FAR2: variants seen among roughly 807,000 people sequenced by gnomAD.
FAR2 encodes epididymis secretory protein Li 81.
In FAR2, 19 loss-of-function variants were observed where a neutral mutation model predicts 56.0. That is an observed-to-expected ratio of 0.34 (90% CI 0.24 to 0.50). The LOEUF is 0.50. Among genes scored for constraint, FAR2 ranks in the 20% least tolerant of loss-of-function variants. The pLI is 0.98. For synonymous variants in FAR2, 219 were observed against 218.8 expected (o/e 1.00, Z -0.01); for missense variants, 508 against 642.2 (o/e 0.79, Z 2.26).
intron 2 of FAR2, among the ~76,000 whole-genome samples, chr12:29,280,018 G>T (rs536598671): frequency 6.6e-6 from 1 of 151,040 alleles, no homozygotes; most frequent in Non-Finnish European, 1.5e-5. Context: ...TCCACCACCC[G>T]GGTTCAAGTG....
intron 1 of FAR2, among the ~76,000 whole-genome samples, chr12:29,205,995 T>A (rs1471147707): frequency 2.0e-5 from 3 of 152,222 alleles, no homozygotes; most frequent in Non-Finnish European, 4.4e-5. Context: ...AGTAGAAGCA[T>A]AATAAAGATG....
rs190195431 is a variant in FAR2 at position 29,333,825 on chromosome 12, C to T, written c.*31C>T. On this transcript the variant is annotated 3_prime_UTR_variant, in exon 12 of 12. Coordinates refer to ENST00000536681, the MANE Select transcript of FAR2 (RefSeq NM_001271783.2). Reference sequence around the variant, plus strand: ...TTTAGCCATCGCTTTTTATCTGGAACCTCTCAGATACCTCTAAAACAGCAA... The same window carrying T: ...TTTAGCCATCGCTTTTTATCTGGAATCTCTCAGATACCTCTAAAACAGCAA... The T allele has an allele frequency of 6.3e-7, 1 of 1,599,204 alleles. No homozygotes were observed. The highest frequency in any genetic ancestry group is 2.2e-5 in the East Asian group (1 of 44,760).
rs1388683580 is a variant in FAR2 at position 29,218,521 on chromosome 12, TCAAA to T, written c.-38-51888_-38-51885del. Among the ~76,000 whole-genome samples the T allele has an allele frequency of 2.6e-5, 4 of 151,314 alleles. No homozygotes were observed. In the East Asian group the frequency reaches 7.8e-4, roughly 29 times the overall value. ...GGAATGAAAAAGCACATGGACAATC[TCAAA>T]CAGTCAAATATATGTGTAACTGAAG... On this transcript the variant is annotated intron_variant, in intron 1 of 11. Coordinates refer to ENST00000536681, the MANE Select transcript of FAR2 (RefSeq NM_001271783.2).
At chr12:29,238,318 A>G (rs540677011) in intron 1 of FAR2, among the ~76,000 whole-genome samples, 1 of 152,286 alleles carries the variant, frequency 6.6e-6, no homozygotes, top group South Asian at 2.1e-4. Context: ...AATTATTTTA[A>G]CACTAAGATA....
At chr12:29,171,236 C>T (rs978868241) in intron 1 of FAR2, 6 of 152,880 alleles carry the variant, frequency 3.9e-5, no homozygotes, top group African/African-American at 7.2e-5. Context: ...ACCCTCAGTC[C>T]TGTTGTTGGA....
chr12:29,200,494 T>G (rs1947394045), intron 1 of FAR2, among the ~76,000 whole-genome samples: 1 of 152,208 alleles, frequency 6.6e-6, no homozygotes, highest in Admixed American at 6.5e-5. Context: ...TGGGATGCTC[T>G]CTCTCTCCTA....
chr12:29,333,488 A>C, intron 11 of FAR2, 144 bp from the exon 12 acceptor site: 1 of 706,248 alleles, frequency 1.4e-6, no homozygotes, highest in Non-Finnish European at 2.3e-6. Flanking sequence ...AAGACGCAGA[A>C]ACCAATTGGC....
intron 1 of FAR2, among the ~76,000 whole-genome samples, chr12:29,199,836 G>A (rs10743649): frequency 0.74 from 112,227 of 151,934 alleles, 43,504 homozygotes; most frequent in East Asian, 0.91. Flanking sequence ...GATAAGTCTC[G>A]TGTTTCTGGC....
chr12:29,201,819 C>T (rs181772786), intron 1 of FAR2, among the ~76,000 whole-genome samples: 1 of 152,308 alleles, frequency 6.6e-6, no homozygotes, highest in African/African-American at 2.4e-5. Flanking sequence ...TCCAGTCACA[C>T]TAGCCACCTT....
At chr12:29,224,559 T>C (rs1047831413) in intron 1 of FAR2, among the ~76,000 whole-genome samples, 2 of 152,218 alleles carry the variant, frequency 1.3e-5, no homozygotes, top group African/African-American at 4.8e-5. Context: ...TCCCTGACTA[T>C]AGATTTTTGC....
At position 29,256,757 on chromosome 12, in the gene FAR2, G is replaced by A. The variant is rs979726092; in HGVS notation, c.-38-13655G>A. Reference sequence around the variant, plus strand: ...TCGGAGCACTCGGCCGGCCCTGCCAGCCCCGGCAATGAAGGGCTTAGCACC... The same window carrying A: ...TCGGAGCACTCGGCCGGCCCTGCCAACCCCGGCAATGAAGGGCTTAGCACC... On this transcript the variant is annotated intron_variant, in intron 1 of 11. Transcript: ENST00000536681. Among the ~76,000 whole-genome samples, 5 of 152,208 alleles carry A rather than the reference G, an allele frequency of 3.3e-5. 1 individual carries two copies. Among genetic ancestry groups the A allele is most frequent in the South Asian group, 4.1e-4 (2 of 4,834 alleles).
intron 1 of FAR2, among the ~76,000 whole-genome samples, chr12:29,250,790 T>C (rs553138520): frequency 6.6e-6 from 1 of 152,300 alleles, no homozygotes; most frequent in African/African-American, 2.4e-5. Context: ...TGGATTAATT[T>C]TGTGTAAACT....
chr12:29,308,841 T>G (rs2136784966), intron 5 of FAR2, among the ~76,000 whole-genome samples: 1 of 151,842 alleles, frequency 6.6e-6, no homozygotes, highest in African/African-American at 2.4e-5. Flanking sequence ...AAATCAGGAC[T>G]AAGGTGGAGA....
chr12:29,271,322 G>T (rs1948614835), intron 2 of FAR2, among the ~76,000 whole-genome samples: 1 of 152,040 alleles, frequency 6.6e-6, no homozygotes, highest in Non-Finnish European at 1.5e-5. Flanking sequence ...ACATATCTGG[G>T]TTCAAATTCT....
chr12:29,278,674 A>G (rs927386858), intron 2 of FAR2, among the ~76,000 whole-genome samples: 1 of 152,186 alleles, frequency 6.6e-6, no homozygotes, highest in African/African-American at 2.4e-5. Context: ...ACAACAAAAA[A>G]GTACTTTTTA....
chr12:29,327,567 T>C (rs925176323), intron 10 of FAR2, among the ~76,000 whole-genome samples: 2 of 152,064 alleles, frequency 1.3e-5, no homozygotes, highest in South Asian at 2.1e-4. Context: ...TAGAGACCAA[T>C]GGAACAGAAC....
intron 1 of FAR2, among the ~76,000 whole-genome samples, chr12:29,184,457 T>TG (rs1216737379): frequency 8.4e-6 from 1 of 119,128 alleles, no homozygotes; most frequent in Non-Finnish European, 1.6e-5. Context: ...TTTTTTGAGA[T>TG]GGAGTCTCGC....
At chr12:29,218,227 C>T (rs372058346) in intron 1 of FAR2, among the ~76,000 whole-genome samples, 4 of 152,006 alleles carry the variant, frequency 2.6e-5, no homozygotes, top group East Asian at 1.9e-4. Flanking sequence ...GGTATGATGG[C>T]GGGCACCTGT....
In FAR2 at chr12:29,200,515, G is replaced by C. The variant is rs893896493; in HGVS notation, c.-39+51108G>C. Among the ~76,000 whole-genome samples, 9 of 152,130 alleles carry C rather than the reference G, an allele frequency of 5.9e-5. 1 individual carries two copies. The South Asian group carries it at 8.3e-4, about 14-fold the overall frequency. On this transcript the variant is annotated intron_variant, in intron 1 of 11. Transcript: ENST00000536681. ...GCTCTCTCTCTCCTACCTCTTGAAG[G>C]TGCTTGACCCCAGCCACTGTCTGTT...
Sources: gnomAD v4.1 joint callset for allele counts (sites outside exome capture counted in the v4.1 genomes callset) on GRCh38, gnomAD v4.1.1 for gene constraint, MANE v1.5 for transcripts, NCBI Gene and HGNC (gene_info 2026-07-23, HGNC 2026-07-21) for gene names.